LRP1B: variants seen among roughly 807,000 people sequenced by gnomAD.
LRP1B encodes low-density lipoprotein receptor-related protein 1B.
Under a neutral mutation model 556.6 loss-of-function variants are expected in LRP1B, and 217 were observed. The observed-to-expected ratio is 0.39, with a 90% CI of 0.35 to 0.44. The LOEUF (loss-of-function observed/expected upper bound fraction) is 0.44. LRP1B is among the 20% of genes least tolerant of loss of function. LRP1B has a pLI of 1.00. For synonymous variants in LRP1B, 2,047 were observed against 1,865.8 expected, an observed-to-expected ratio of 1.10 and a Z score of -2.50; for missense variants, 5,053 against 5,620.8, an observed-to-expected ratio of 0.90 and a Z score of 3.23.
At chr2:140,821,502 T>G (rs1691327790) in intron 31 of LRP1B, among the ~76,000 whole-genome samples, 1 of 152,144 alleles carries the variant, frequency 6.6e-6, no homozygotes, top group African/African-American at 2.4e-5. Flanking sequence ...AAATGCATAA[T>G]ATTGAACAAG....
chr2:140,381,760 G>A (rs1318948808), intron 67 of LRP1B, among the ~76,000 whole-genome samples: 3 of 151,264 alleles, frequency 2.0e-5, no homozygotes, highest in Non-Finnish European at 2.9e-5. Flanking sequence ...TACTTGGGGG[G>A]CTGAGGCAGG....
chr2:141,544,854 TG>T (rs1160390845), intron 2 of LRP1B, among the ~76,000 whole-genome samples: 2 of 151,550 alleles, frequency 1.3e-5, no homozygotes, highest in African/African-American at 4.8e-5. Flanking sequence ...TTGGTAGAAG[TG>T]GTGTTTCACC....
chr2:141,810,486 C>T (rs1696321694), intron 1 of LRP1B, 85 bp from the exon 2 acceptor site: 1 of 1,387,876 alleles, frequency 7.2e-7, no homozygotes, highest in South Asian at 1.3e-5. Context: ...TGTGAAAAAG[C>T]AATACATAAA....
At chr2:141,302,130 T>A (rs1390607596) in intron 3 of LRP1B, among the ~76,000 whole-genome samples, 1 of 152,106 alleles carries the variant, frequency 6.6e-6, no homozygotes, top group Non-Finnish European at 1.5e-5. Context: ...CCAGGAAAAT[T>A]AACTGTAGCA....
chr2:140,280,709 C>A (rs887429318), intron 84 of LRP1B, among the ~76,000 whole-genome samples: 1 of 151,710 alleles, frequency 6.6e-6, no homozygotes, highest in African/African-American at 2.4e-5. Flanking sequence ...CTTATTACTA[C>A]CCAAAGTAAT....
chr2:140,709,679 T>C (rs956446874), intron 37 of LRP1B, among the ~76,000 whole-genome samples: 2 of 152,122 alleles, frequency 1.3e-5, no homozygotes, highest in African/African-American at 4.8e-5. Flanking sequence ...TGAATTCAGC[T>C]AATTCACTCC....
intron 21 of LRP1B, among the ~76,000 whole-genome samples, chr2:140,922,171 G>T (rs1233503892): frequency 6.6e-6 from 1 of 151,882 alleles, no homozygotes; most frequent in Non-Finnish European, 1.5e-5. Context: ...CATAAAGCGG[G>T]AAGAAAATAA....
At chr2:140,912,904 C>T (rs1280013315) in intron 21 of LRP1B, among the ~76,000 whole-genome samples, 1 of 151,622 alleles carries the variant, frequency 6.6e-6, no homozygotes, top group East Asian at 1.9e-4. Flanking sequence ...AACTCTTGAC[C>T]ATGTTCTGAA....
At chr2:141,426,102 G>A (rs897280489) in intron 3 of LRP1B, among the ~76,000 whole-genome samples, 1 of 152,150 alleles carries the variant, frequency 6.6e-6, no homozygotes, top group African/African-American at 2.4e-5. Context: ...TTTGTATAAG[G>A]TGTAAGGAAG....
At chr2:141,108,487 T>C (rs1700668240) in intron 7 of LRP1B, among the ~76,000 whole-genome samples, 1 of 151,788 alleles carries the variant, frequency 6.6e-6, no homozygotes, top group Non-Finnish European at 1.5e-5. Context: ...TAGCTGGGAT[T>C]ACAGGTGCCT....
In LRP1B at chr2:141,221,699, C is replaced by A. The variant is rs550986981; in HGVS notation, c.850+7484G>T. Among the ~76,000 whole-genome samples, 7 of 152,190 alleles carry A rather than the reference C, an allele frequency of 4.6e-5. No homozygotes were observed. In the South Asian group the frequency reaches 1.0e-3, roughly 23 times the overall value. ...GGAGTAAAACACTCCTCAACTAATACAAAATAACTGAAATCATTACCAACT... is the reference window on the plus strand; with the variant it reads ...GGAGTAAAACACTCCTCAACTAATAAAAAATAACTGAAATCATTACCAACT... On this transcript the variant is annotated intron_variant, in intron 6 of 90. Transcript: ENST00000389484.
chr2:140,594,085 C>A lies in LRP1B; in HGVS notation c.7194+4546G>T, dbSNP rs548843668. On this transcript the variant is annotated intron_variant, in intron 43 of 90. Coordinates refer to ENST00000389484, the MANE Select transcript of LRP1B (RefSeq NM_018557.3). ...CTCCACCTCCTGGGTTCAAGCGATTCTCCTGCCTCAGCCTCCCGAGTAGCT... is the reference window on the plus strand; with the variant it reads ...CTCCACCTCCTGGGTTCAAGCGATTATCCTGCCTCAGCCTCCCGAGTAGCT... Among the ~76,000 whole-genome samples the A allele has an allele frequency of 6.6e-5, 10 of 152,098 alleles. No homozygotes were observed. In the South Asian group the frequency reaches 1.9e-3, roughly 28 times the overall value.
intron 65 of LRP1B, 28 bp downstream of exon 65, chr2:140,444,302 C>G (rs771566051): frequency 6.2e-7 from 1 of 1,612,918 alleles, no homozygotes; most frequent in African/African-American, 1.3e-5. Context: ...AAAGTTAAGA[C>G]AAGACAGAGT....
At chr2:140,310,466 C>T (rs1008263349) in intron 83 of LRP1B, among the ~76,000 whole-genome samples, 1 of 137,400 alleles carries the variant, frequency 7.3e-6, no homozygotes, top group Non-Finnish European at 1.6e-5. Context: ...CAAAAAGAAA[C>T]AGGAGGCATT....
chr2:140,920,073 G>C (rs1694692457), intron 21 of LRP1B, among the ~76,000 whole-genome samples: 1 of 151,972 alleles, frequency 6.6e-6, no homozygotes, highest in African/African-American at 2.4e-5. Flanking sequence ...TAGCTGGAGG[G>C]CCTATTTTCC....
chr2:141,463,207 G>T (rs1681981991), intron 3 of LRP1B, among the ~76,000 whole-genome samples: 2 of 152,062 alleles, frequency 1.3e-5, no homozygotes, highest in African/African-American at 2.4e-5. Flanking sequence ...GAAAGAGTTG[G>T]AACATCCCAA....
intron 1 of LRP1B, among the ~76,000 whole-genome samples, chr2:141,848,019 A>G (rs1380310622): frequency 6.6e-6 from 1 of 151,586 alleles, no homozygotes; most frequent in Non-Finnish European, 1.5e-5. Flanking sequence ...ATGTGCATAC[A>G]CAACCAATAC....
chr2:141,274,171 A>G (rs549829484), intron 3 of LRP1B, among the ~76,000 whole-genome samples: 1 of 152,308 alleles, frequency 6.6e-6, no homozygotes, highest in South Asian at 2.1e-4. Flanking sequence ...AAAAAGTTAT[A>G]AGTAGAGTCA....
At chr2:140,339,957 G>C (rs1681287621) in intron 77 of LRP1B, among the ~76,000 whole-genome samples, 1 of 151,516 alleles carries the variant, frequency 6.6e-6, no homozygotes, top group Admixed American at 6.6e-5. Context: ...TTAGGACCAT[G>C]TCAACTTGGA....
Sources: gnomAD v4.1 joint callset for allele counts (sites outside exome capture counted in the v4.1 genomes callset) on GRCh38, gnomAD v4.1.1 for gene constraint, MANE v1.5 for transcripts, NCBI Gene and HGNC (gene_info 2026-07-23, HGNC 2026-07-21) for gene names.